OTOGL: variants seen among roughly 807,000 people sequenced by gnomAD.
OTOGL encodes otogelin-like protein.
A neutral mutation model predicts 318.5 loss-of-function variants in OTOGL; 285 were observed. The observed-to-expected ratio is 0.89, with a 90% CI of 0.81 to 0.99. OTOGL has a LOEUF of 0.99. OTOGL is among the 50% of genes least tolerant of loss of function. The pLI, the probability that OTOGL is intolerant of heterozygous loss-of-function variation, is 0.00. For synonymous variants in OTOGL, 987 were observed against 936.5 expected (o/e 1.05, Z -0.99); for missense variants, 2,899 against 2,845.6 (o/e 1.02, Z -0.43).
intron 44 of OTOGL, among the ~76,000 whole-genome samples, chr12:80,343,176 A>G (rs1241555490): frequency 6.6e-6 from 1 of 152,028 alleles, no homozygotes; most frequent in Non-Finnish European, 1.5e-5. Flanking sequence ...CCCGGCCCAG[A>G]GTTTTAGATC....
Position 80,333,068 on chromosome 12 carries a change from T to A in OTOGL, c.4412T>A (p.Leu1471Ter). The A allele has an allele frequency of 6.3e-7, 1 of 1,597,066 alleles. No homozygotes were observed. Among genetic ancestry groups the A allele is most frequent in the South Asian group, 1.1e-5 (1 of 88,240 alleles). ...VFDMLTPTTGLECEPQKFDPV... is the reference protein window; with the variant it reads ...VFDMLTPTTG ...GATATGCTAACACCAACTACAGGCT[T>A]GGAATGTGAGGTATGACTGAGCAAT... Residue 1471 changes from leucine to a stop codon, truncating the protein, a stop_gained, in exon 38 of 59, where the codon TTG becomes TAG. Transcript: ENST00000547103. LOFTEE classifies it high-confidence loss of function.
At chr12:80,149,709 C>T (rs571841250) in intron 1 of OTOGL, among the ~76,000 whole-genome samples, 1 of 152,206 alleles carries the variant, frequency 6.6e-6, no homozygotes, top group African/African-American at 2.4e-5. Context: ...GCTGTGCTAG[C>T]AATCATCGAG....
At chr12:80,103,823 G>C (rs952020152) in intron 1 of OTOGL, among the ~76,000 whole-genome samples, 2 of 152,152 alleles carry the variant, frequency 1.3e-5, no homozygotes, top group Non-Finnish European at 2.9e-5. Context: ...AAAGAAAAAT[G>C]GGCCTGTAAT....
intron 11 of OTOGL, among the ~76,000 whole-genome samples, chr12:80,251,095 A>G (rs1881502819): frequency 6.6e-6 from 1 of 152,256 alleles, no homozygotes; most frequent in South Asian, 2.1e-4. Context: ...CCCATCAGTG[A>G]TAGACTGGAT....
intron 1 of OTOGL, among the ~76,000 whole-genome samples, chr12:80,157,108 G>T (rs1032989468): frequency 6.6e-6 from 1 of 151,924 alleles, no homozygotes; most frequent in Non-Finnish European, 1.5e-5. Flanking sequence ...ATTTGTTATT[G>T]CTTGTTTTTT....
chr12:80,233,591 T>A (rs1766543160), intron 9 of OTOGL, among the ~76,000 whole-genome samples: 1 of 152,256 alleles, frequency 6.6e-6, no homozygotes, highest in Admixed American at 6.5e-5. Context: ...AGTTGAATAG[T>A]AACTTGGAAA....
chr12:80,320,353 T>C, intron 33 of OTOGL, 69 bp from the exon 34 acceptor site: 1 of 1,436,810 alleles, frequency 7.0e-7, no homozygotes, highest in South Asian at 1.4e-5. Flanking sequence ...ACTTTATAAG[T>C]ACATTTTGTG....
intron 1 of OTOGL, among the ~76,000 whole-genome samples, chr12:80,100,225 G>T (rs1434966111): frequency 1.3e-5 from 2 of 152,084 alleles, no homozygotes; most frequent in Non-Finnish European, 2.9e-5. Context: ...TTACTTTAAA[G>T]TGTAGTTTAT....
In OTOGL at chr12:80,310,926, A is replaced by G. The variant is rs11114394; in HGVS notation, c.3450+199A>G. 0.092 allele frequency among the ~76,000 whole-genome samples: 14,011 copies of G among 152,198 alleles called. 1,363 individuals carry two copies. The highest frequency in any genetic ancestry group is 0.25 in the African/African-American group (10,164 of 41,476). On this transcript the variant is annotated intron_variant, in intron 30 of 58. Coordinates refer to ENST00000547103, the MANE Select transcript of OTOGL (RefSeq NM_001378609.3). ...GTTGATTTACTTTCTCCCTTACTAC[A>G]TCTAATTTAACAGTGTACCTTTGTA...
rs374520042 is a variant in OTOGL, at chr12:80,356,846, A to G, written c.5951A>G (p.Glu1984Gly). The G allele has an allele frequency of 6.3e-7, 1 of 1,594,978 alleles. No homozygotes were observed. The highest frequency in any genetic ancestry group is 8.5e-7 in the Non-Finnish European group (1 of 1,171,098). The change falls in exon 49 of 59, where the codon GAA becomes GGA. Residue 1984 changes from glutamate (E) to glycine (G), a missense_variant. Glu to Gly is a moderately conservative substitution (Grantham distance 98). Around this residue, in one of 3 missense-constraint regions of OTOGL, gnomAD observed 2,607 missense variants for 2,524.9 expected, o/e 1.03. Transcript: ENST00000547103. ...PLKCPSISTP[E>G]CREDQFMIQV... The stretch of plus-strand genomic sequence containing the variant: ...AAATGCCCCAGTATTTCAACACCAG[A>G]ATGCAGAGAAGATCAATTCATGATT...
intron 52 of OTOGL, among the ~76,000 whole-genome samples, chr12:80,363,604 C>T (rs1890362350): frequency 6.6e-6 from 1 of 152,162 alleles, no homozygotes; most frequent in Admixed American, 6.6e-5. Flanking sequence ...AAGTCTTGCA[C>T]ACCAAGAATC....
chr12:80,265,958 T>G (rs2137562797), intron 20 of OTOGL: 1 of 152,804 alleles, frequency 6.5e-6, no homozygotes, highest in East Asian at 1.9e-4. Context: ...AGAGGTAACT[T>G]TTTAATCACA....
chr12:80,162,357 A>T (rs1030166857), intron 1 of OTOGL, among the ~76,000 whole-genome samples: 1 of 152,170 alleles, frequency 6.6e-6, no homozygotes, highest in Non-Finnish European at 1.5e-5. Context: ...TTTCAAATGT[A>T]CAACTAGTTC....
chr12:80,347,883 T>C (rs1254673137), intron 44 of OTOGL, among the ~76,000 whole-genome samples: 1 of 152,180 alleles, frequency 6.6e-6, no homozygotes, highest in African/African-American at 2.4e-5. Context: ...GTGCTGAACC[T>C]TTTTTTCATA....
At chr12:80,133,200 A>C (rs1871341624) in intron 1 of OTOGL, among the ~76,000 whole-genome samples, 1 of 152,072 alleles carries the variant, frequency 6.6e-6, no homozygotes, top group Admixed American at 6.6e-5. Context: ...AAGAGGGCTC[A>C]TTACCTTATT....
chr12:80,281,494 C>T (rs1315338228), intron 26 of OTOGL, among the ~76,000 whole-genome samples: 18 of 151,882 alleles, frequency 1.2e-4, no homozygotes. Flanking sequence ...TGATGAATCA[C>T]ATTTATTGAT....
chr12:80,118,697 T>G (rs1870310671), intron 1 of OTOGL, among the ~76,000 whole-genome samples: 1 of 152,140 alleles, frequency 6.6e-6, no homozygotes. Context: ...TGGAGAAAAA[T>G]GACTCTTATT....
intron 1 of OTOGL, among the ~76,000 whole-genome samples, chr12:80,129,140 G>A (rs186317457): frequency 6.6e-6 from 1 of 152,286 alleles, no homozygotes; most frequent in African/African-American, 2.4e-5. Context: ...CTCATGCTGG[G>A]AGCTGTAGAC....
chr12:80,328,374 A>G (rs903046009), intron 35 of OTOGL, among the ~76,000 whole-genome samples: 4 of 151,982 alleles, frequency 2.6e-5, no homozygotes, highest in African/African-American at 9.7e-5. Context: ...TTATTCTTCC[A>G]CATTTCCACT....
Sources: allele counts gnomAD v4.1 joint callset (sites outside exome capture counted in the v4.1 genomes callset), GRCh38; gene constraint gnomAD v4.1.1; regional missense constraint gnomAD v4.1.1; transcripts MANE v1.5; gene names NCBI Gene and HGNC (gene_info 2026-07-23, HGNC 2026-07-21).